Variants in MICAL1 observed in about 807,000 individuals in gnomAD.
MICAL1 encodes microtubule associated monooxygenase, calponin and LIM domain containing 1, also known as [F-actin]-monooxygenase MICAL1.
In MICAL1, 95 loss-of-function variants were observed where a neutral mutation model predicts 131.8. The ratio of observed to expected loss-of-function variants is 0.72; its 90% CI spans 0.61 to 0.86. The LOEUF is 0.86. MICAL1 is among the 40% of genes least tolerant of loss of function. The pLI is 0.00. For missense variants in MICAL1, 1,292 were observed against 1,380.6 expected, an observed-to-expected ratio of 0.94 and a Z score of 1.02; for synonymous variants, 546 against 554.2, an observed-to-expected ratio of 0.99 and a Z score of 0.21.
chr6:109,459,102 C>T (rs928653188), upstream of MICAL1, among the ~76,000 whole-genome samples: 16 of 151,964 alleles, frequency 1.1e-4, no homozygotes, highest in South Asian at 2.1e-4. Context: ...AACCACGTGA[C>T]GAAATGAGAA....
intron 3 of MICAL1, 117 bp from the exon 4 acceptor site, chr6:109,453,484 A>G: frequency 6.7e-7 from 1 of 1,501,266 alleles, no homozygotes; most frequent in Non-Finnish European, 9.0e-7. Flanking sequence ...CTCAGCCCAA[A>G]AGCCCACTTA....
rs201874487 is a variant in MICAL1 at position 109,447,132 on chromosome 6, C to A, written c.2168G>T (p.Arg723Leu). Residue 723 changes from arginine to leucine, a missense_variant, in exon 17 of 25, where the codon CGC becomes CTC. Transcript: ENST00000358807. Reference protein sequence around the residue: ...NGHFFHRSCFRCHTCEATLWP... With the variant: ...NGHFFHRSCFLCHTCEATLWP... ...CAGTGTGGCCTCACAGGTATGGCAG[C>A]GGAAGCAGCTCCGGTGGAAGAAATG... 3.1e-6 allele frequency: 5 copies of A among 1,612,776 alleles called. No individual in the cohort carries two copies. Among genetic ancestry groups the A allele is most frequent in the Non-Finnish European group, 4.2e-6 (5 of 1,179,886 alleles).
upstream of MICAL1, among the ~76,000 whole-genome samples, chr6:109,456,342 G>A (rs1176594730): frequency 6.6e-6 from 1 of 152,260 alleles, no homozygotes; most frequent in Non-Finnish European, 1.5e-5. Context: ...TCTCCCACCT[G>A]GAGATCCACG....
chr6:109,460,393 C>A (rs115271936), upstream of MICAL1, among the ~76,000 whole-genome samples: 2,561 of 145,128 alleles, frequency 0.018, 88 homozygotes, highest in African/African-American at 0.063. Flanking sequence ...CATGCCACTG[C>A]ACTTCAGCCT....
At position 109,445,817 on chromosome 6, in the gene MICAL1, C is replaced by A; in HGVS notation, c.2627G>T (p.Ser876Ile). The A allele has an allele frequency of 6.2e-7, 1 of 1,611,560 alleles. No individual in the cohort carries two copies. The highest frequency in any genetic ancestry group is 8.5e-7 in the Non-Finnish European group (1 of 1,179,016). ...AGGCACATCTTCTTCTTCCTCTTCA[C>A]TGGAGAAGGGACTCTCTTTTTCCTC... ...EKEEKESPFS[S>I]EEEEEDVPLD... is the part of the protein sequence containing the mutation. The change falls in exon 20 of 25, where the codon AGT becomes ATT. Residue 876 changes from serine (S) to isoleucine (I), a missense_variant. Coordinates refer to ENST00000358807, the MANE Select transcript of MICAL1 (RefSeq NM_022765.4).
chr6:109,444,667 A>T, intron 24 of MICAL1, 58 bp downstream of exon 24: 1 of 1,584,678 alleles, frequency 6.3e-7, no homozygotes, highest in Non-Finnish European at 8.7e-7. Context: ...ATCTGAGATC[A>T]TGAGGCTTGC....
chr6:109,446,984 T>A (rs1775253292), intron 17 of MICAL1, 89 bp downstream of exon 17: 2 of 1,504,734 alleles, frequency 1.3e-6, no homozygotes. Flanking sequence ...TGAGCCTGTT[T>A]CCATCCTGTG....
At chr6:109,446,803 T>C in intron 17 of MICAL1, 31 bp from the exon 18 acceptor site, 1 of 1,596,858 alleles carries the variant, frequency 6.3e-7, no homozygotes, top group Non-Finnish European at 8.6e-7. Context: ...AGGAGGCATT[T>C]GGTGTGGGCA....
In MICAL1 at chr6:109,449,473, G is replaced by T. The variant is rs1235947046; in HGVS notation, c.1443C>A (p.Asp481Glu). Residue 481 changes from aspartate to glutamate, a missense_variant, in exon 11 of 25, where the codon GAC becomes GAA. By Grantham distance (45) the Asp-to-Glu change is conservative. Coordinates refer to ENST00000358807, the MANE Select transcript of MICAL1 (RefSeq NM_022765.4). ...GCTCCTTGGCTAGCACATCATACAGGTCTCGTACCTAAGGCAGCCCCGCTC... is the reference window on the plus strand; with the variant it reads ...GCTCCTTGGCTAGCACATCATACAGTTCTCGTACCTAAGGCAGCCCCGCTC... ...LRAVTPNQVR[D>E]LYDVLAKEPV... 6.2e-7 allele frequency: 1 copy of T among 1,614,204 alleles called. No homozygotes were observed. Among genetic ancestry groups the T allele is most frequent in the Non-Finnish European group, 8.5e-7 (1 of 1,180,032 alleles).
At chr6:109,445,671 A>C (rs1340734397) in intron 20 of MICAL1, 100 bp downstream of exon 20, 1 of 1,511,060 alleles carries the variant, frequency 6.6e-7, no homozygotes, top group Non-Finnish European at 9.0e-7. Context: ...ATGACAGGCC[A>C]AGTGAGAAGA....
In MICAL1 at chr6:109,444,756, G is replaced by A. The variant is rs765977746; in HGVS notation, c.3024C>T (p.Asp1008=). 1.9e-6 allele frequency: 3 copies of A among 1,613,970 alleles called. No individual in the cohort carries two copies. In the African/African-American group the frequency reaches 4.0e-5, roughly 22 times the overall value. ...LNLEEKQWQL[D]QELRGYMNRE... is the part of the protein sequence containing the mutation. ...GGTTCATGTAGCCTCGTAGCTCCTGGTCCAGCTGCCACTGTTTCTCCTCCA... is the reference window on the plus strand; with the variant it reads ...GGTTCATGTAGCCTCGTAGCTCCTGATCCAGCTGCCACTGTTTCTCCTCCA... The change falls in exon 24 of 25, where the codon GAC becomes GAT. Residue 1008 remains aspartate, a synonymous_variant. Transcript: ENST00000358807.
intron 19 of MICAL1, 113 bp downstream of exon 19, chr6:109,446,023 C>T (rs1775199386): frequency 4.8e-6 from 7 of 1,469,910 alleles, no homozygotes; most frequent in South Asian, 1.4e-5. Context: ...GAGAGGCTGC[C>T]ACGGCCTGGG....
At chr6:109,456,519 C>G (rs1027751322), upstream of MICAL1, among the ~76,000 whole-genome samples, 18 of 151,954 alleles carry the variant, frequency 1.2e-4, no homozygotes. Flanking sequence ...GATGGCGGGG[C>G]GGGTTAGACC....
chr6:109,453,091 C>T (rs1189367726), intron 4 of MICAL1, among the ~76,000 whole-genome samples, 172 bp downstream of exon 4: 1 of 152,140 alleles, frequency 6.6e-6, no homozygotes, highest in Non-Finnish European at 1.5e-5. Context: ...AACTGGGTGG[C>T]AGAGGTTGCA....
At chr6:109,448,519 G>A in intron 12 of MICAL1, 126 bp from the exon 13 acceptor site, 1 of 1,295,118 alleles carries the variant, frequency 7.7e-7, no homozygotes, top group Non-Finnish European at 1.1e-6. Context: ...GAAGGTAGGT[G>A]TGTAGTCTCT....
At chr6:109,452,175 T>C in intron 6 of MICAL1, 71 bp downstream of exon 6, 2 of 1,544,370 alleles carry the variant, frequency 1.3e-6, no homozygotes, top group Non-Finnish European at 1.7e-6. Context: ...AGGACAAGTT[T>C]GGAAGGGAGA....
upstream of MICAL1, among the ~76,000 whole-genome samples, chr6:109,458,061 C>T (rs1440188237): frequency 6.6e-6 from 1 of 151,444 alleles, no homozygotes; most frequent in Non-Finnish European, 1.5e-5. Context: ...TCATTCAATG[C>T]TGTCCTAAGA....
In MICAL1 at chr6:109,461,335, A is replaced by G. The variant is rs547557160; in HGVS notation, c.14+4329T>C. ...TAGTATTCCATGGTGTATATGTGCC[A>G]CATTTTCTTACCAATTAAGCTTTAA... On this transcript the variant is annotated intron_variant, in intron 1 of 24. Transcript: ENST00000630715. Among the ~76,000 whole-genome samples, 11 of 152,316 alleles carry G rather than the reference A, an allele frequency of 7.2e-5. No homozygotes were observed. In the South Asian group the frequency reaches 2.3e-3, roughly 32 times the overall value.
Position 109,444,359 on chromosome 6 carries a change from C to G in MICAL1, c.3056-20G>C, listed in dbSNP as rs764511064. On this transcript the variant is annotated intron_variant, in intron 24 of 24. Coordinates refer to ENST00000358807, the MANE Select transcript of MICAL1 (RefSeq NM_022765.4). ...GGTTTTCTAAAAGGAGGAGACAAAG[C>G]TTAGAGAACAGGGAACTGGGCAGGG... 1 of 1,613,086 alleles carries G rather than the reference C, an allele frequency of 6.2e-7. No individual in the cohort carries two copies. The highest frequency in any genetic ancestry group is 1.3e-5 in the African/African-American group (1 of 74,916).
Sources: gnomAD v4.1 joint callset for allele counts (sites outside exome capture counted in the v4.1 genomes callset) on GRCh38, gnomAD v4.1.1 for gene constraint, MANE v1.5 for transcripts, NCBI Gene and HGNC (gene_info 2026-07-23, HGNC 2026-07-21) for gene names.